Variants in THSD7B observed in about 807,000 individuals in gnomAD.
The protein encoded by THSD7B is thrombospondin type 1 domain containing 7B.
In THSD7B, 138 loss-of-function variants were observed where a neutral mutation model predicts 213.6. That is an observed-to-expected ratio of 0.65 (90% confidence interval 0.56 to 0.74). THSD7B has a LOEUF of 0.74. Among genes scored for constraint, THSD7B ranks in the 30% least tolerant of loss-of-function variants. The probability of loss-of-function intolerance (pLI) is 0.00; values close to 1 mark genes in which losing one functional copy is unlikely to be tolerated. For synonymous variants in THSD7B, 742 were observed against 687.0 expected (o/e 1.08, Z -1.25); for missense variants, 1,931 against 1,991.5 (o/e 0.97, Z 0.58).
intron 25 of THSD7B, 76 bp downstream of exon 25, chr2:137,659,822 C>A (rs1336046250): frequency 1.5e-5 from 21 of 1,400,588 alleles, no homozygotes; most frequent in Non-Finnish European, 2.0e-5. Flanking sequence ...GTTCTCCTGC[C>A]GGCTGCAGCC....
chr2:136,912,524 A>G (rs1400496426), intron 2 of THSD7B, among the ~76,000 whole-genome samples: 1 of 152,008 alleles, frequency 6.6e-6, no homozygotes, highest in East Asian at 1.9e-4. Flanking sequence ...TAAATAGGTC[A>G]TAATAATATT....
chr2:137,603,937 C>T (rs1682122310), intron 17 of THSD7B, among the ~76,000 whole-genome samples: 1 of 151,952 alleles, frequency 6.6e-6, no homozygotes, highest in South Asian at 2.1e-4. Flanking sequence ...ATGGTGAAAC[C>T]CCGTCTCTAC....
chr2:137,305,806 T>C (rs1173305998), intron 12 of THSD7B, among the ~76,000 whole-genome samples: 1 of 152,088 alleles, frequency 6.6e-6, no homozygotes, highest in South Asian at 2.1e-4. Context: ...GTGAACATCA[T>C]AGAGTGTACT....
intron 12 of THSD7B, among the ~76,000 whole-genome samples, chr2:137,331,827 C>G (rs922293245): frequency 5.3e-5 from 8 of 152,304 alleles, no homozygotes; most frequent in African/African-American, 1.9e-4. Context: ...GGACCCAGTA[C>G]ACCCTCCGCA....
intron 16 of THSD7B, among the ~76,000 whole-genome samples, chr2:137,569,561 T>C (rs962203999): frequency 6.6e-6 from 1 of 152,152 alleles, no homozygotes; most frequent in African/African-American, 2.4e-5. Flanking sequence ...CCTTCAGTTT[T>C]TTTAAGCCTC....
chr2:136,773,110 G>T (rs1014687326), intron 1 of THSD7B, among the ~76,000 whole-genome samples: 7 of 151,982 alleles, frequency 4.6e-5, no homozygotes, highest in Admixed American at 3.9e-4. Context: ...AATGTGAGTT[G>T]CCCGTCTTTG....
At chr2:137,308,680 T>A (rs1270059815) in intron 12 of THSD7B, among the ~76,000 whole-genome samples, 2 of 152,126 alleles carry the variant, frequency 1.3e-5, no homozygotes, top group African/African-American at 4.8e-5. Context: ...AAAATCCCAT[T>A]GTTTCATAGA....
At chr2:136,955,702 G>A (rs1429469315) in intron 2 of THSD7B, among the ~76,000 whole-genome samples, 1 of 152,200 alleles carries the variant, frequency 6.6e-6, no homozygotes, top group Middle Eastern at 3.2e-3. Flanking sequence ...GGGCAATCGT[G>A]AGGGCATTTC....
intron 1 of THSD7B, among the ~76,000 whole-genome samples, chr2:136,790,530 G>C (rs1681948546): frequency 6.6e-6 from 1 of 152,004 alleles, no homozygotes; most frequent in African/African-American, 2.4e-5. Flanking sequence ...AATTTCTGTA[G>C]GTAATAGAGC....
Position 137,095,065 on chromosome 2 carries a change from A to G in THSD7B, c.1143A>G (p.Glu381=). Residue 381 remains glutamate (E), a synonymous_variant, in exon 4 of 28, where the codon GAA becomes GAG. Transcript: ENST00000409968. ...MAIGGGKECP[E]LLEKEACIVE... ...TTGGAGGTGGAAAGGAGTGTCCTGA[A>G]CTTCTTGAGAAAGAGGCCTGCATTG... 2 of 1,613,860 alleles carry G rather than the reference A, an allele frequency of 1.2e-6. No homozygotes were observed. The highest frequency in any genetic ancestry group is 1.7e-6 in the Non-Finnish European group (2 of 1,179,842).
intron 2 of THSD7B, among the ~76,000 whole-genome samples, chr2:136,974,006 T>C (rs1685442779): frequency 6.6e-6 from 1 of 152,216 alleles, no homozygotes; most frequent in Admixed American, 6.5e-5. Context: ...ATTTCAATTA[T>C]GCTCTTTTTC....
intron 15 of THSD7B, among the ~76,000 whole-genome samples, chr2:137,460,348 C>T (rs893316381): frequency 3.3e-5 from 5 of 152,228 alleles, no homozygotes; most frequent in South Asian, 2.1e-4. Context: ...GCTTGATACA[C>T]GGTAAGTACT....
intron 15 of THSD7B, among the ~76,000 whole-genome samples, chr2:137,491,468 TAAATC>T (rs1414412802): frequency 2.6e-5 from 4 of 152,362 alleles, no homozygotes; most frequent in East Asian, 3.9e-4. Flanking sequence ...AAACATATAT[TAAATC>T]AAGTCATGTG....
At chr2:137,299,346 G>A (rs1023870181) in intron 12 of THSD7B, among the ~76,000 whole-genome samples, 2 of 151,996 alleles carry the variant, frequency 1.3e-5, no homozygotes, top group Admixed American at 1.3e-4. Flanking sequence ...TGGCTCATAG[G>A]CAGAAAGGAC....
intron 16 of THSD7B, 75 bp downstream of exon 16, chr2:137,563,429 G>T: frequency 6.5e-7 from 1 of 1,538,348 alleles, no homozygotes; most frequent in Non-Finnish European, 8.9e-7. Flanking sequence ...CAACAGTGAT[G>T]TTTATCCAAG....
chr2:137,190,310 T>C (rs1558952386), intron 7 of THSD7B, among the ~76,000 whole-genome samples: 2 of 152,214 alleles, frequency 1.3e-5, no homozygotes, highest in African/African-American at 2.4e-5. Context: ...TAGTGCATGA[T>C]AGTTCATATC....
At position 137,232,147 on chromosome 2, in the gene THSD7B, A is replaced by G. The variant is rs114408189; in HGVS notation, c.1916-752A>G. The stretch of plus-strand genomic sequence containing the variant: ...CATTTGGGCCACTGAATAAACCATT[A>G]AAGTGTAGAAGAGTAGGCAAAGATC... On this transcript the variant is annotated intron_variant, in intron 8 of 27. Coordinates refer to ENST00000409968, the MANE Select transcript of THSD7B (RefSeq NM_001316349.2). Among the ~76,000 whole-genome samples, 669 of 152,332 alleles carry G rather than the reference A, an allele frequency of 4.4e-3. 6 individuals are homozygous for G. Among genetic ancestry groups the G allele is most frequent in the African/African-American group, 0.015 (636 of 41,568 alleles).
intron 12 of THSD7B, among the ~76,000 whole-genome samples, chr2:137,403,075 G>A (rs981269047): frequency 6.6e-6 from 1 of 152,084 alleles, no homozygotes; most frequent in Non-Finnish European, 1.5e-5. Flanking sequence ...GAAAATGCAG[G>A]TGATGTTGGC....
chr2:136,990,051 A>G (rs973190031), intron 2 of THSD7B, among the ~76,000 whole-genome samples: 2 of 152,232 alleles, frequency 1.3e-5, no homozygotes, highest in African/African-American at 4.8e-5. Flanking sequence ...TAAAGTGACG[A>G]TGGCTTTAAA....
Sources: gnomAD v4.1 joint callset for allele counts (sites outside exome capture counted in the v4.1 genomes callset) on GRCh38, gnomAD v4.1.1 for gene constraint, MANE v1.5 for transcripts, NCBI Gene and HGNC (gene_info 2026-07-23, HGNC 2026-07-21) for gene names.